The following EFCAB11 variants were observed in gnomAD, a reference collection of about 807,000 sequenced individuals.
EFCAB11 encodes EF-hand calcium-binding domain-containing protein 11.
In EFCAB11, 14 loss-of-function variants were observed where a neutral mutation model predicts 23.0. That is an observed-to-expected ratio of 0.61 (90% confidence interval 0.40 to 0.95). EFCAB11 has a LOEUF of 0.95. Among genes scored for constraint, EFCAB11 ranks in the 40% least tolerant of loss-of-function variants. The pLI, the probability that EFCAB11 is intolerant of heterozygous loss-of-function variation, is 0.00. For missense variants in EFCAB11, 198 were observed against 195.8 expected, an observed-to-expected ratio of 1.01 and a Z score of -0.07; for synonymous variants, 65 against 66.6, an observed-to-expected ratio of 0.98 and a Z score of 0.11.
At chr14:89,851,807 A>C (rs1352303716) in intron 5 of EFCAB11, among the ~76,000 whole-genome samples, 1 of 152,210 alleles carries the variant, frequency 6.6e-6, no homozygotes, top group Non-Finnish European at 1.5e-5. Context: ...GGTCTAAGGC[A>C]AAAGGCTAAA....
chr14:89,852,822 TGTGCAACCATC>T (rs1336784867), intron 5 of EFCAB11, among the ~76,000 whole-genome samples: 1 of 152,246 alleles, frequency 6.6e-6, no homozygotes, highest in Non-Finnish European at 1.5e-5. Context: ...GTCACATTGC[TGTGCAACCATC>T]GTGCAACCCA....
At chr14:89,865,401 TAG>T (rs1246380136) in intron 5 of EFCAB11, among the ~76,000 whole-genome samples, 6 of 152,122 alleles carry the variant, frequency 3.9e-5, no homozygotes, top group Admixed American at 3.9e-4. Context: ...GGTGTTGATT[TAG>T]AGACTGACAT....
chr14:89,797,889 C>T (rs147223630), intron 5 of EFCAB11, among the ~76,000 whole-genome samples: 1,658 of 152,172 alleles, frequency 0.011, 20 homozygotes, highest in Admixed American at 0.035. Flanking sequence ...GCCGAGATCA[C>T]GCCACTGCAC....
intron 5 of EFCAB11, among the ~76,000 whole-genome samples, chr14:89,844,823 G>A (rs778911647): frequency 2.6e-5 from 4 of 152,208 alleles, no homozygotes; most frequent in African/African-American, 2.4e-5. Flanking sequence ...TTGGGTATCA[G>A]CCCTCTGGCC....
intron 5 of EFCAB11, among the ~76,000 whole-genome samples, chr14:89,877,035 T>G (rs1888462057): frequency 6.6e-6 from 1 of 150,754 alleles, no homozygotes; most frequent in African/African-American, 2.4e-5. Context: ...CCAGAGTAGA[T>G]GACCAAAAGT....
At chr14:89,811,685 C>G (rs187886524) in intron 5 of EFCAB11, among the ~76,000 whole-genome samples, 1 of 152,282 alleles carries the variant, frequency 6.6e-6, no homozygotes, top group African/African-American at 2.4e-5. Context: ...CCTCTGGAAG[C>G]TGGAAACAGT....
intron 5 of EFCAB11, among the ~76,000 whole-genome samples, chr14:89,857,157 T>C (rs1036240330): frequency 6.6e-6 from 1 of 152,220 alleles, no homozygotes; most frequent in Admixed American, 6.5e-5. Flanking sequence ...TTATCTTTCT[T>C]ACAGAGAAAA....
intron 5 of EFCAB11, among the ~76,000 whole-genome samples, chr14:89,841,715 T>C (rs545096208): frequency 7.5e-4 from 114 of 152,172 alleles, no homozygotes; most frequent in African/African-American, 2.7e-3. Flanking sequence ...TGTTTACTGT[T>C]TTTCAGGGAC....
intron 5 of EFCAB11, among the ~76,000 whole-genome samples, chr14:89,926,480 G>C (rs1890198603): frequency 6.6e-6 from 1 of 152,062 alleles, no homozygotes; most frequent in Admixed American, 6.5e-5. Context: ...AAGGATATGA[G>C]ACATCAGCAG....
chr14:89,819,784 G>A (rs892472648), intron 5 of EFCAB11, among the ~76,000 whole-genome samples: 1 of 152,036 alleles, frequency 6.6e-6, no homozygotes, highest in African/African-American at 2.4e-5. Flanking sequence ...TTTGACTGTA[G>A]TGATATTTCA....
At chr14:89,797,939 GA>G (rs1006317209) in intron 5 of EFCAB11, among the ~76,000 whole-genome samples, 6 of 149,394 alleles carry the variant, frequency 4.0e-5, no homozygotes, top group African/African-American at 7.4e-5. Context: ...TCTCAATTAA[GA>G]AAAAAAAAAG....
chr14:89,824,528 C>A (rs1450122001), intron 5 of EFCAB11, among the ~76,000 whole-genome samples: 1 of 151,922 alleles, frequency 6.6e-6, no homozygotes, highest in Non-Finnish European at 1.5e-5. Context: ...TAGACTTAGA[C>A]CCAATGATAT....
chr14:89,922,863 C>A (rs1317739816), intron 5 of EFCAB11, among the ~76,000 whole-genome samples: 4 of 152,076 alleles, frequency 2.6e-5, no homozygotes, highest in African/African-American at 9.7e-5. Flanking sequence ...AAGGTGAAGA[C>A]AATTTCCTTT....
chr14:89,842,619 TATG>T (rs916198175), intron 5 of EFCAB11, among the ~76,000 whole-genome samples: 2 of 151,284 alleles, frequency 1.3e-5, no homozygotes, highest in East Asian at 1.9e-4. Flanking sequence ...TATGATATGA[TATG>T]ATATGATATG....
chr14:89,802,447 A>G (rs146337069), intron 5 of EFCAB11, among the ~76,000 whole-genome samples: 2,798 of 152,248 alleles, frequency 0.018, 46 homozygotes, highest in Non-Finnish European at 0.03. Flanking sequence ...GCTGGAGTGC[A>G]ATGGTATGAT....
At position 89,804,712 on chromosome 14, in the gene EFCAB11, A is replaced by G. The variant is rs561954241; in HGVS notation, c.411-7388T>C. On this transcript the variant is annotated intron_variant, in intron 5 of 5. Coordinates refer to ENST00000316738, the MANE Select transcript of EFCAB11 (RefSeq NM_145231.4). ...TCACTCAAGTAAAAGAGATCTCACT[A>G]CTTCAAAGAGATCAGACTATTCCTC... Among the ~76,000 whole-genome samples, 3 of 152,324 alleles carry G rather than the reference A, an allele frequency of 2.0e-5. No homozygotes were observed. In the East Asian group the frequency reaches 5.8e-4, roughly 29 times the overall value.
chr14:89,915,456 A>G (rs1267324116), intron 5 of EFCAB11, among the ~76,000 whole-genome samples: 1 of 152,224 alleles, frequency 6.6e-6, no homozygotes, highest in Non-Finnish European at 1.5e-5. Context: ...TTTTGGCACC[A>G]CCAACTGGTG....
chr14:89,889,649 C>A (rs1376724205), intron 5 of EFCAB11, among the ~76,000 whole-genome samples: 3 of 152,256 alleles, frequency 2.0e-5, no homozygotes, highest in African/African-American at 7.2e-5. Flanking sequence ...TTTGTGCAGA[C>A]AACATGGCTC....
intron 5 of EFCAB11, among the ~76,000 whole-genome samples, chr14:89,835,585 C>CGTGTGT (rs67831579): frequency 0.054 from 5,031 of 93,292 alleles, 250 homozygotes; most frequent in South Asian, 0.07. Context: ...GGATGCTCAA[C>CGTGTGT]GTGTGTGTGT....
Sources: gnomAD v4.1 joint callset for allele counts (sites outside exome capture counted in the v4.1 genomes callset) on GRCh38, gnomAD v4.1.1 for gene constraint, MANE v1.5 for transcripts, NCBI Gene and HGNC (gene_info 2026-07-23, HGNC 2026-07-21) for gene names.